The following PRKN variants were observed in gnomAD, a reference collection of about 807,000 sequenced individuals.
The protein encoded by PRKN is E3 ubiquitin-protein ligase parkin.
A neutral mutation model predicts 59.5 loss-of-function variants in PRKN; 56 were observed. That is an observed-to-expected ratio of 0.94 (90% CI 0.76 to 1.18). The LOEUF (loss-of-function observed/expected upper bound fraction) is 1.18, where lower values mean the gene tolerates loss of function less well. Among genes scored for constraint, PRKN ranks in the 50% most tolerant of loss-of-function variants. The pLI is 0.00. For synonymous variants in PRKN, 250 were observed against 222.1 expected (o/e 1.13, Z -1.12); for missense variants, 657 against 596.4 (o/e 1.10, Z -1.06).
intron 1 of PRKN, among the ~76,000 whole-genome samples, chr6:162,721,424 G>C (rs112479241): frequency 0.01 from 1,528 of 152,290 alleles, 28 homozygotes; most frequent in African/African-American, 0.035. Context: ...TAATGGTTCA[G>C]TGACTCCTCC....
At chr6:161,782,163 G>A (rs979178173) in intron 7 of PRKN, among the ~76,000 whole-genome samples, 1 of 152,158 alleles carries the variant, frequency 6.6e-6, no homozygotes, top group Non-Finnish European at 1.5e-5. Context: ...AAAACTTAGT[G>A]TTTGCCAGTA....
At chr6:162,628,409 GT>G (rs1198509486) in intron 1 of PRKN, among the ~76,000 whole-genome samples, 5 of 152,120 alleles carry the variant, frequency 3.3e-5, no homozygotes, top group Non-Finnish European at 7.4e-5. Context: ...TGTACCAGAT[GT>G]TTTGCTGTAC....
At chr6:162,005,854 A>C (rs2128264937) in intron 5 of PRKN, among the ~76,000 whole-genome samples, 1 of 152,188 alleles carries the variant, frequency 6.6e-6, no homozygotes, top group South Asian at 2.1e-4. Context: ...GTTGTGTATT[A>C]TTTCTATTAT....
At chr6:162,491,105 G>GA (rs397712852) in intron 1 of PRKN, among the ~76,000 whole-genome samples, 56,423 of 138,066 alleles carry the variant, frequency 0.41, 11,770 homozygotes, top group African/African-American at 0.54. Flanking sequence ...CTCTGTCTCA[G>GA]AAAAAAAAAA....
chr6:162,064,060 A>G (rs1778223008), intron 4 of PRKN, among the ~76,000 whole-genome samples: 1 of 152,232 alleles, frequency 6.6e-6, no homozygotes, highest in African/African-American at 2.4e-5. Flanking sequence ...GGGGTCTCAC[A>G]TAGTGGCAGA....
rs1360334584 is a variant in PRKN at position 162,010,891 on chromosome 6, ATT to A, written c.619-37476_619-37475del. Among the ~76,000 whole-genome samples the A allele has an allele frequency of 7.4e-4, 9 of 12,148 alleles. No homozygotes were observed. In the African/African-American group the frequency reaches 7.7e-3, roughly 10 times the overall value. 8.0% of individuals were successfully genotyped at this position (12,148 alleles called of 152,430 possible). A position where few individuals can be genotyped will look rare whatever the true frequency, so the allele number is the denominator to read the frequency against. The stretch of plus-strand genomic sequence containing the variant: ...TATTATAAAATATATTATATAATAT[ATT>A]ATATATACTATAATATATTAAATAT... On this transcript the variant is annotated intron_variant, in intron 5 of 11. Transcript: ENST00000366898.
chr6:161,771,364 AAAAAAAATAAAATAAAATAAAATAAAAT>A (rs1317236138), intron 7 of PRKN, among the ~76,000 whole-genome samples: 1 of 95,570 alleles, frequency 1.0e-5, no homozygotes, highest in African/African-American at 4.0e-5. Flanking sequence ...TCAAAAAAAA[AAAAAAAATAAAATAAAATAAAATAAAAT>A]AAAATAAAAG....
chr6:162,027,665 T>C (rs1035013078), intron 5 of PRKN, among the ~76,000 whole-genome samples: 29 of 152,258 alleles, frequency 1.9e-4, no homozygotes, highest in Admixed American at 3.3e-4. Context: ...CATATAACAC[T>C]GTAAGTGATT....
intron 5 of PRKN, among the ~76,000 whole-genome samples, chr6:161,996,484 A>C (rs1781848617): frequency 6.6e-6 from 1 of 150,622 alleles, no homozygotes; most frequent in African/African-American, 2.5e-5. Flanking sequence ...CTGATCCATC[A>C]AAAATAATAC....
rs1787214975 is a variant in PRKN, at chr6:161,405,318, C to T, written c.1084-18441G>A. Reference sequence around the variant, plus strand: ...TCTGACTGGGCATGGTGGCTCATGCCTGTAATCTCAGCACTTTGGGAGGCT... The same window carrying T: ...TCTGACTGGGCATGGTGGCTCATGCTTGTAATCTCAGCACTTTGGGAGGCT... On this transcript the variant is annotated intron_variant, in intron 9 of 11. Transcript: ENST00000366898. The surrounding 1 kb of genome is among the most constrained non-coding windows in gnomAD (Gnocchi z 5.1). Among the ~76,000 whole-genome samples the T allele has an allele frequency of 6.6e-6, 1 of 152,110 alleles. No individual in the cohort carries two copies. The highest frequency in any genetic ancestry group is 1.5e-5 in the Non-Finnish European group (1 of 68,042).
chr6:161,360,114 C>T lies in PRKN; in HGVS notation c.1259G>A (p.Arg420His), dbSNP rs531247345. ...TIKKTTKPCP[R>H]CHVPVEKNGG... is the part of the protein sequence containing the mutation. ...ATTTTTTTCCACTGGTACATGGCAG[C>T]GGGGACAGGGCTTGGTGGTTTTCTT... Residue 420 changes from arginine (R) to histidine (H), a missense_variant, in exon 11 of 12, where the codon CGC becomes CAC. Transcript: ENST00000366898. This position sits in a 1 kb window ranked among gnomAD's most constrained non-coding sequence, Gnocchi z 5.1. 1.6e-5 allele frequency: 26 copies of T among 1,613,734 alleles called. No individual in the cohort carries two copies. Among genetic ancestry groups the T allele is most frequent in the South Asian group, 5.5e-5 (5 of 91,062 alleles).
intron 7 of PRKN, among the ~76,000 whole-genome samples, chr6:161,570,146 A>AAAT (rs869285771): frequency 2.2e-4 from 17 of 76,578 alleles, no homozygotes; most frequent in African/African-American, 8.9e-4. Context: ...AAAAAAAAAA[A>AAAT]ATATATATAT....
At chr6:161,774,440 G>T (rs1384641461) in intron 7 of PRKN, among the ~76,000 whole-genome samples, 1 of 150,108 alleles carries the variant, frequency 6.7e-6, no homozygotes, top group Non-Finnish European at 1.5e-5. Context: ...ACACGGCGTG[G>T]CTAGGCAGGG....
At position 162,604,741 on chromosome 6, in the gene PRKN, C is replaced by G. The variant is rs555129525; in HGVS notation, c.7+122921G>C. Among the ~76,000 whole-genome samples the G allele has an allele frequency of 5.4e-5, 8 of 149,216 alleles. No homozygotes were observed. The South Asian group carries it at 1.7e-3, about 32-fold the overall frequency. On this transcript the variant is annotated intron_variant, in intron 1 of 11. Coordinates refer to ENST00000366898, the MANE Select transcript of PRKN (RefSeq NM_004562.3). Reference sequence around the variant, plus strand: ...ACTTAGACCCTGCCATTCATTTTCACCTCTGACAGTAAAACCCCAGGACAA... The same window carrying G: ...ACTTAGACCCTGCCATTCATTTTCAGCTCTGACAGTAAAACCCCAGGACAA...
At chr6:161,697,992 G>C (rs1417045371) in intron 7 of PRKN, among the ~76,000 whole-genome samples, 1 of 151,742 alleles carries the variant, frequency 6.6e-6, no homozygotes, top group Non-Finnish European at 1.5e-5. Flanking sequence ...TGGATTAATG[G>C]GCCATAATTT....
intron 1 of PRKN, among the ~76,000 whole-genome samples, chr6:162,671,645 C>T (rs1398252767): frequency 6.6e-6 from 1 of 151,996 alleles, no homozygotes; most frequent in Non-Finnish European, 1.5e-5. Flanking sequence ...GAAGAATTTA[C>T]CAGTCAATCA....
chr6:162,412,192 C>T (rs760988326), intron 2 of PRKN, among the ~76,000 whole-genome samples: 46 of 152,096 alleles, frequency 3.0e-4, no homozygotes, highest in Non-Finnish European at 6.0e-4. Flanking sequence ...AATATTGGAA[C>T]GATAAATGAC....
At chr6:161,404,036 G>C (rs1218831105) in intron 9 of PRKN, among the ~76,000 whole-genome samples, 1 of 152,074 alleles carries the variant, frequency 6.6e-6, no homozygotes, top group East Asian at 1.9e-4. Context: ...TCATTCTAGG[G>C]AGTACTCTGA....
intron 6 of PRKN, among the ~76,000 whole-genome samples, chr6:161,797,814 C>T (rs951288903): frequency 6.6e-6 from 1 of 152,146 alleles, no homozygotes; most frequent in Non-Finnish European, 1.5e-5. Flanking sequence ...GTTGTTTTTG[C>T]TTGTTTTACG....
Sources: allele counts gnomAD v4.1 joint callset (sites outside exome capture counted in the v4.1 genomes callset), GRCh38; gene constraint gnomAD v4.1.1; non-coding constraint Gnocchi (gnomAD v3.1); transcripts MANE v1.5; gene names NCBI Gene and HGNC (gene_info 2026-07-23, HGNC 2026-07-21).